SLC35G2: variants seen among roughly 807,000 people sequenced by gnomAD.
The protein encoded by SLC35G2 is solute carrier family 35 member G2, also known as transmembrane protein 22.
In SLC35G2, 20 loss-of-function variants were observed where a neutral mutation model predicts 27.2. That is an observed-to-expected ratio of 0.74 (90% CI 0.52 to 1.07). SLC35G2 has a LOEUF of 1.07. SLC35G2 is among the 50% of genes least tolerant of loss of function. SLC35G2 has a pLI of 0.00. For missense variants in SLC35G2, 416 were observed against 493.3 expected, an observed-to-expected ratio of 0.84 and a Z score of 1.48; for synonymous variants, 148 against 165.3, an observed-to-expected ratio of 0.90 and a Z score of 0.80.
chr3:136,834,663 CACT>C lies in SLC35G2; in HGVS notation c.-19+15036_-19+15038del, dbSNP rs1936817997. Among the ~76,000 whole-genome samples, 9 of 152,180 alleles carry C rather than the reference CACT, an allele frequency of 5.9e-5. No homozygotes were observed. The South Asian group carries it at 1.7e-3, about 28-fold the overall frequency. On this transcript the variant is annotated intron_variant, in intron 1 of 1. Coordinates refer to ENST00000446465, the MANE Select transcript of SLC35G2 (RefSeq NM_025246.3). ...TTCAGGACTTCATCATCACCACCAC[CACT>C]GTCTCACTATCACCATCATTGCTAA...
At chr3:136,848,945 T>C (rs1417767955) in intron 1 of SLC35G2, among the ~76,000 whole-genome samples, 1 of 152,136 alleles carries the variant, frequency 6.6e-6, no homozygotes, top group Non-Finnish European at 1.5e-5. Flanking sequence ...TTTGGGAGGC[T>C]GAGGCAGGCG....
At chr3:136,850,960 G>A (rs956529170) in intron 1 of SLC35G2, among the ~76,000 whole-genome samples, 1 of 152,178 alleles carries the variant, frequency 6.6e-6, no homozygotes, top group Non-Finnish European at 1.5e-5. Context: ...ACTCCAGCCT[G>A]CGCAACGGAG....
At chr3:136,825,686 G>T (rs1936567513) in intron 1 of SLC35G2, among the ~76,000 whole-genome samples, 2 of 152,114 alleles carry the variant, frequency 1.3e-5, no homozygotes, top group Non-Finnish European at 1.5e-5. Flanking sequence ...TTATTCTGTT[G>T]ATATAATTTA....
chr3:136,848,270 A>AC (rs1560018418), intron 1 of SLC35G2, among the ~76,000 whole-genome samples: 2 of 152,224 alleles, frequency 1.3e-5, no homozygotes. Flanking sequence ...AAATCTCTTC[A>AC]CAACAGCAAC....
intron 1 of SLC35G2, among the ~76,000 whole-genome samples, chr3:136,841,340 A>G (rs1004128272): frequency 2.6e-5 from 4 of 152,188 alleles, no homozygotes; most frequent in African/African-American, 9.7e-5. Context: ...TTTTTTCTCA[A>G]GAATAACAAG....
intron 1 of SLC35G2, chr3:136,838,284 A>AT (rs1560013705): frequency 0.02 from 2,154 of 109,422 alleles, 54 homozygotes; most frequent in Non-Finnish European, 0.024. Context: ...TATATATATA[A>AT]ATGCACACAC....
In SLC35G2 at chr3:136,852,483, T is replaced by C. The variant is rs191201926; in HGVS notation, c.-18-1960T>C. 1.6e-4 allele frequency among the ~76,000 whole-genome samples: 25 copies of C among 151,646 alleles called. No homozygotes were observed. The East Asian group carries it at 3.1e-3, about 19-fold the overall frequency. ...GAGTCACGAGGAAGAAAAAAAAAGA[T>C]TTTTTTTCTTTTTCTTTTTTTTTTT... On this transcript the variant is annotated intron_variant, in intron 1 of 1. Transcript: ENST00000446465.
At position 136,855,356 on chromosome 3, in the gene SLC35G2, G is replaced by C. The variant is rs1402139701; in HGVS notation, c.896G>C (p.Gly299Ala). ...FTFGWTGTIW[G>A]ISTMFILQEP... Reference sequence around the variant, plus strand: ...TTTGGTTGGACTGGGACAATTTGGGGAATATCTACTATGTTTATTCTTCAA... The same window carrying C: ...TTTGGTTGGACTGGGACAATTTGGGCAATATCTACTATGTTTATTCTTCAA... Residue 299 changes from glycine (G) to alanine (A), a missense_variant, in exon 2 of 2, where the codon GGA (glycine) becomes GCA (alanine). By Grantham distance (60) the Gly-to-Ala change is moderately conservative. Transcript: ENST00000446465. 1 of 1,614,160 alleles carries C rather than the reference G, an allele frequency of 6.2e-7. No individual in the cohort carries two copies. Among genetic ancestry groups the C allele is most frequent in the East Asian group, 2.2e-5 (1 of 44,884 alleles).
At position 136,827,839 on chromosome 3, in the gene SLC35G2, G is replaced by GT. The variant is rs564537228; in HGVS notation, c.-19+8224dup. Among the ~76,000 whole-genome samples, 537 of 140,956 alleles carry GT rather than the reference G, an allele frequency of 3.8e-3. 9 individuals are homozygous for GT. The South Asian group carries it at 0.045, about 12-fold the overall frequency. 92.5% of individuals were successfully genotyped at this position (140,956 alleles called of 152,430 possible). ...TACTTGGTATCATTTCAGGGTTTTT[G>GT]TTTTTTTTTTTTTGAGACAGGGTCT... On this transcript the variant is annotated intron_variant, in intron 1 of 1. Coordinates refer to ENST00000446465, the MANE Select transcript of SLC35G2 (RefSeq NM_025246.3).
rs767164837 is a variant in SLC35G2 at position 136,854,979 on chromosome 3, A to T, written c.519A>T (p.Val173=). The T allele has an allele frequency of 1.2e-6, 2 of 1,614,178 alleles. No individual in the cohort carries two copies. The highest frequency in any genetic ancestry group is 2.2e-5 in the South Asian group (2 of 91,084). Residue 173 remains valine (V), a synonymous_variant, in exon 2 of 2, where the codon GTA becomes GTT. Coordinates refer to ENST00000446465, the MANE Select transcript of SLC35G2 (RefSeq NM_025246.3). ...GYRLRLFFYG[V]CNVISITCAY... is the part of the protein sequence containing the mutation. ...GATTACGACTCTTCTTTTATGGTGTATGCAATGTCATTTCTATCACTTGTG... is the reference window on the plus strand; with the variant it reads ...GATTACGACTCTTCTTTTATGGTGTTTGCAATGTCATTTCTATCACTTGTG...
intron 1 of SLC35G2, among the ~76,000 whole-genome samples, chr3:136,840,669 G>A (rs1328563960): frequency 6.6e-6 from 1 of 151,070 alleles, no homozygotes; most frequent in East Asian, 1.9e-4. Flanking sequence ...TGTCATCCAG[G>A]CTGAAGTGCA....
At chr3:136,843,000 C>CT (rs1254992812) in intron 1 of SLC35G2, 1 of 152,072 alleles carries the variant, frequency 6.6e-6, no homozygotes, top group African/African-American at 2.4e-5. Context: ...CTCTGTAGCT[C>CT]TGAGTCTTCT....
At chr3:136,833,804 C>T (rs1232514681) in intron 1 of SLC35G2, among the ~76,000 whole-genome samples, 1 of 152,036 alleles carries the variant, frequency 6.6e-6, no homozygotes, top group Non-Finnish European at 1.5e-5. Flanking sequence ...GGGTTGGGCA[C>T]CCCTGCTGTA....
chr3:136,824,910 C>T (rs1335571564), intron 1 of SLC35G2, among the ~76,000 whole-genome samples: 1 of 152,250 alleles, frequency 6.6e-6, no homozygotes, highest in South Asian at 2.1e-4. Flanking sequence ...GCCCCTGACT[C>T]CCCACCTACC....
intron 1 of SLC35G2, chr3:136,841,946 G>A (rs1485272016): frequency 6.6e-6 from 1 of 152,050 alleles, no homozygotes; most frequent in Non-Finnish European, 1.5e-5. Flanking sequence ...ATGTGGAAGA[G>A]AATCACTTCT....
At chr3:136,848,502 C>T (rs1216008913) in intron 1 of SLC35G2, among the ~76,000 whole-genome samples, 1 of 152,042 alleles carries the variant, frequency 6.6e-6, no homozygotes, top group African/African-American at 2.4e-5. Context: ...ATCTGAAGCC[C>T]CAGCTACTTA....
At chr3:136,819,946 A>G (rs1164099033) in intron 1 of SLC35G2, 1 of 152,244 alleles carries the variant, frequency 6.6e-6, no homozygotes, top group African/African-American at 2.4e-5. Context: ...ATCTTTCCTC[A>G]CAGTGCTCTG....
chr3:136,840,129 T>C lies in SLC35G2; in HGVS notation c.-18-14314T>C, dbSNP rs1367694217. Among the ~76,000 whole-genome samples, 4 of 152,234 alleles carry C rather than the reference T, an allele frequency of 2.6e-5. No individual in the cohort carries two copies. In the East Asian group the frequency reaches 7.7e-4, roughly 29 times the overall value. ...TAAGCAGCCTTCATCCCCAGTCTAA[T>C]TGGTTGGGGGGACTGCCACACCTTC... is the stretch of plus-strand genomic sequence containing the variant. On this transcript the variant is annotated intron_variant, in intron 1 of 1. Coordinates refer to ENST00000446465, the MANE Select transcript of SLC35G2 (RefSeq NM_025246.3).
At position 136,855,693 on chromosome 3, in the gene SLC35G2, TAAA is replaced by T. The variant is rs1215724213; in HGVS notation, c.1234_1236del (p.Lys412del). On this transcript the variant is annotated inframe_deletion, in exon 2 of 2. Coordinates refer to ENST00000446465, the MANE Select transcript of SLC35G2 (RefSeq NM_025246.3). The stretch of plus-strand genomic sequence containing the variant: ...ACCAGGAAATACTAGACTCTCCCAT[TAAA>T]TGAATACCTGATTATTATTGTCTCA... The T allele has an allele frequency of 3.1e-6, 5 of 1,588,714 alleles. No individual in the cohort carries two copies. Among genetic ancestry groups the T allele is most frequent in the Non-Finnish European group, 4.3e-6 (5 of 1,157,704 alleles).
Sources: gnomAD v4.1 joint callset for allele counts (sites outside exome capture counted in the v4.1 genomes callset) on GRCh38, gnomAD v4.1.1 for gene constraint, MANE v1.5 for transcripts, NCBI Gene and HGNC (gene_info 2026-07-23, HGNC 2026-07-21) for gene names.